The following RBFOX1 variants were observed in gnomAD, a reference collection of about 807,000 sequenced individuals.
RBFOX1 encodes the protein RNA binding protein fox-1 homolog 1.
A neutral mutation model predicts 57.7 loss-of-function variants in RBFOX1; 8 were observed. The ratio of observed to expected loss-of-function variants is 0.14; its 90% CI spans 0.08 to 0.25. The LOEUF (loss-of-function observed/expected upper bound fraction) is 0.25, where lower values mean the gene tolerates loss of function less well. Ranked by LOEUF, RBFOX1 falls within the 10% of genes least tolerant of loss-of-function variation. The pLI is 1.00. For missense variants in RBFOX1, 611 were observed against 548.5 expected, an observed-to-expected ratio of 1.11 and a Z score of -1.14; for synonymous variants, 326 against 222.4, an observed-to-expected ratio of 1.47 and a Z score of -4.15.
At chr16:6,884,784 G>T (rs1463627522) in intron 3 of RBFOX1, among the ~76,000 whole-genome samples, 8 of 152,078 alleles carry the variant, frequency 5.3e-5, no homozygotes, top group Non-Finnish European at 1.0e-4. Flanking sequence ...TGCAGTCCCA[G>T]CTACTTGGGA....
chr16:6,047,024 G>T (rs2095502541), intron 1 of RBFOX1, among the ~76,000 whole-genome samples: 1 of 152,154 alleles, frequency 6.6e-6, no homozygotes, highest in African/African-American at 2.4e-5. Flanking sequence ...TGCTGATGAA[G>T]GACGCCTGCT....
intron 3 of RBFOX1, among the ~76,000 whole-genome samples, chr16:7,046,831 C>G (rs72776291): frequency 0.097 from 14,787 of 151,892 alleles, 1,028 homozygotes; most frequent in Non-Finnish European, 0.14. Context: ...GTCTTGAACT[C>G]CTAACCTCAG....
intron 1 of RBFOX1, among the ~76,000 whole-genome samples, chr16:6,291,394 C>T (rs2077452727): frequency 6.6e-6 from 1 of 152,200 alleles, no homozygotes; most frequent in Admixed American, 6.5e-5. Context: ...ATGGTGGAGG[C>T]CGCAGGGACG....
At chr16:6,158,242 T>C (rs2096852603) in intron 1 of RBFOX1, among the ~76,000 whole-genome samples, 1 of 152,140 alleles carries the variant, frequency 6.6e-6, no homozygotes, top group African/African-American at 2.4e-5. Flanking sequence ...CTTGTCTGAA[T>C]CGGTATTTTG....
At chr16:5,887,301 T>C (rs1391027487) in intron 4 of RBFOX1, among the ~76,000 whole-genome samples, 1 of 152,176 alleles carries the variant, frequency 6.6e-6, no homozygotes, top group Non-Finnish European at 1.5e-5. Context: ...CCAGTGAATG[T>C]AACAACTAGA....
At chr16:6,020,395 C>A (rs1036301152) in intron 1 of RBFOX1, among the ~76,000 whole-genome samples, 2 of 152,158 alleles carry the variant, frequency 1.3e-5, no homozygotes, top group Non-Finnish European at 2.9e-5. Flanking sequence ...CCGCTGCCTC[C>A]GCCCGCAGGG....
chr16:6,836,308 G>A (rs769836129), intron 3 of RBFOX1, among the ~76,000 whole-genome samples: 6 of 152,086 alleles, frequency 3.9e-5, no homozygotes, highest in Non-Finnish European at 8.8e-5. Context: ...TTTCAGCTCT[G>A]TGGTTGAATT....
chr16:6,536,994 T>C (rs998637350), intron 2 of RBFOX1, among the ~76,000 whole-genome samples: 8 of 152,212 alleles, frequency 5.3e-5, no homozygotes, highest in African/African-American at 1.7e-4. Flanking sequence ...CATTGTCTTT[T>C]CTGGGGAAAG....
intron 1 of RBFOX1, among the ~76,000 whole-genome samples, chr16:6,255,701 C>A (rs1362673139): frequency 1.3e-5 from 2 of 151,988 alleles, no homozygotes; most frequent in African/African-American, 4.8e-5. Context: ...TCATGGAATA[C>A]TATGCAGCCG....
intron 4 of RBFOX1, among the ~76,000 whole-genome samples, chr16:7,210,556 T>C (rs1603229697): frequency 6.6e-6 from 1 of 152,342 alleles, no homozygotes; most frequent in African/African-American, 2.4e-5. Context: ...AATAAACGGA[T>C]ACTGTATTCT....
chr16:7,398,796 G>C (rs7205414), intron 4 of RBFOX1, among the ~76,000 whole-genome samples: 4,268 of 152,264 alleles, frequency 0.028, 142 homozygotes, highest in African/African-American at 0.077. Context: ...TTCATTGTGG[G>C]GTTAGACTCC....
At chr16:5,517,856 A>C (rs930440618) in intron 2 of RBFOX1, among the ~76,000 whole-genome samples, 2 of 151,932 alleles carry the variant, frequency 1.3e-5, no homozygotes, top group African/African-American at 4.8e-5. Context: ...ATACACACAC[A>C]CACACACGTA....
intron 4 of RBFOX1, among the ~76,000 whole-genome samples, chr16:7,273,856 C>T (rs1291571877): frequency 1.3e-5 from 2 of 152,210 alleles, no homozygotes; most frequent in Non-Finnish European, 2.9e-5. Context: ...TCTGCTACTG[C>T]ATAATTTCAT....
chr16:6,604,803 C>A (rs1450163966), intron 2 of RBFOX1, among the ~76,000 whole-genome samples: 1 of 151,944 alleles, frequency 6.6e-6, no homozygotes, highest in Non-Finnish European at 1.5e-5. Flanking sequence ...TTAATTGGTG[C>A]TTGAGATTGA....
At chr16:6,254,564 C>G (rs1598854894) in intron 1 of RBFOX1, among the ~76,000 whole-genome samples, 1 of 152,102 alleles carries the variant, frequency 6.6e-6, no homozygotes, top group South Asian at 2.1e-4. Context: ...TATTCTTAAA[C>G]TTGGTTTATT....
chr16:6,697,769 C>G (rs1421882059), intron 3 of RBFOX1, among the ~76,000 whole-genome samples: 2 of 152,148 alleles, frequency 1.3e-5, no homozygotes, highest in Non-Finnish European at 1.5e-5. Context: ...ACTGAGCAAA[C>G]CAGATCAACA....
chr16:6,463,515 G>C (rs1466150817), intron 2 of RBFOX1, among the ~76,000 whole-genome samples: 1 of 152,130 alleles, frequency 6.6e-6, no homozygotes, highest in Non-Finnish European at 1.5e-5. Flanking sequence ...AGTTAGATTT[G>C]ATGGGGGGTC....
At chr16:7,317,384 A>T (rs2096463632) in intron 4 of RBFOX1, among the ~76,000 whole-genome samples, 1 of 152,114 alleles carries the variant, frequency 6.6e-6, no homozygotes, top group Admixed American at 6.6e-5. Context: ...ATCTTAGGCC[A>T]AAGCTCCCAG....
In RBFOX1 at chr16:7,265,933, G is replaced by T. The variant is rs141899224; in HGVS notation, c.27+213835G>T. Among the ~76,000 whole-genome samples, 20 of 147,430 alleles carry T rather than the reference G, an allele frequency of 1.4e-4. No homozygotes were observed. The East Asian group carries it at 1.6e-3, about 12-fold the overall frequency. On this transcript the variant is annotated intron_variant, in intron 4 of 15. Coordinates refer to ENST00000550418, the MANE Select transcript of RBFOX1 (RefSeq NM_018723.4). ...CTTGCTTGGTGCTGTCTTCACGACAGTGAGTGAGTTATGAGATCTGGTGGG... is the reference window on the plus strand; with the variant it reads ...CTTGCTTGGTGCTGTCTTCACGACATTGAGTGAGTTATGAGATCTGGTGGG...
Sources: gnomAD v4.1 joint callset for allele counts (sites outside exome capture counted in the v4.1 genomes callset) on GRCh38, gnomAD v4.1.1 for gene constraint, MANE v1.5 for transcripts, NCBI Gene and HGNC (gene_info 2026-07-23, HGNC 2026-07-21) for gene names.